Variants in ZNF470 observed in about 807,000 individuals in gnomAD.
ZNF470 encodes the protein chondrogenesis zinc finger protein 1.
In ZNF470, 13 loss-of-function variants were observed where a neutral mutation model predicts 13.9. The observed-to-expected ratio is 0.94, with a 90% CI of 0.61 to 1.49. ZNF470 has a LOEUF of 1.49. Among genes scored for constraint, ZNF470 ranks in the 40% most tolerant of loss-of-function variants. ZNF470 has a pLI of 0.00. For synonymous variants in ZNF470, 293 were observed against 282.9 expected (o/e 1.04, Z -0.36); for missense variants, 929 against 857.3 (o/e 1.08, Z -1.04).
intron 3 of ZNF470, 69 bp downstream of exon 3, chr19:56,570,440 C>G (rs1009092632): frequency 6.7e-7 from 1 of 1,485,488 alleles, no homozygotes; most frequent in Non-Finnish European, 9.4e-7. Context: ...TACTTGTTTT[C>G]TTCTGAAAAT....
intron 2 of ZNF470, among the ~76,000 whole-genome samples, chr19:56,569,144 A>G (rs1321572314): frequency 6.6e-6 from 1 of 152,240 alleles, no homozygotes; most frequent in Admixed American, 6.5e-5. Flanking sequence ...TATCATCATT[A>G]TGATAATCCT....
At position 56,577,972 on chromosome 19, in the gene ZNF470, A is replaced by G; in HGVS notation, c.1543A>G (p.Ser515Gly). 2 of 1,613,426 alleles carry G rather than the reference A, an allele frequency of 1.2e-6. No individual in the cohort carries two copies. ...GEKPYECKEC[S>G]KTFSQNAHLA... Reference sequence around the variant, plus strand: ...GAAACCTTATGAATGTAAGGAATGCAGCAAAACCTTCAGCCAGAATGCACA... The same window carrying G: ...GAAACCTTATGAATGTAAGGAATGCGGCAAAACCTTCAGCCAGAATGCACA... The change falls in exon 6 of 6, where the codon AGC (serine) becomes GGC (glycine). Residue 515 changes from serine to glycine, a missense_variant. Physicochemically the swap from Ser to Gly is moderately conservative, Grantham distance 56. Coordinates refer to ENST00000330619, the MANE Select transcript of ZNF470 (RefSeq NM_001001668.4).
At position 56,577,400 on chromosome 19, in the gene ZNF470, T is replaced by C. The variant is rs2044497424; in HGVS notation, c.971T>C (p.Leu324Pro). The change falls in exon 6 of 6, where the codon CTT (leucine) becomes CCT (proline). Residue 324 changes from leucine (L) to proline (P), a missense_variant. Leu to Pro is a moderately conservative substitution (Grantham distance 98). Coordinates refer to ENST00000330619, the MANE Select transcript of ZNF470 (RefSeq NM_001001668.4). ...CKQCNKAFSQ[L>P]AHLAQHQRVH... ...CAGTGTAATAAAGCATTCAGCCAGC[T>C]TGCACACCTTGCTCAACATCAGAGG... The C allele has an allele frequency of 6.2e-7, 1 of 1,613,582 alleles. No homozygotes were observed. The highest frequency in any genetic ancestry group is 8.5e-7 in the Non-Finnish European group (1 of 1,179,820).
At chr19:56,576,529 G>A (rs2044489479) in intron 5 of ZNF470, among the ~76,000 whole-genome samples, 184 bp from the exon 6 acceptor site, 1 of 152,108 alleles carries the variant, frequency 6.6e-6, no homozygotes. Context: ...GTATACCATG[G>A]CCAAGGAGGA....
In ZNF470 at chr19:56,581,589, G is replaced by A. The variant is rs373297900; in HGVS notation, c.*3006G>A. ...TGTTGAAAAAAAATCAATGTGTGTA[G>A]TCATAGAAAGATAGCTGTGCTATAC... On this transcript the variant is annotated 3_prime_UTR_variant, in exon 6 of 6. Coordinates refer to ENST00000330619, the MANE Select transcript of ZNF470 (RefSeq NM_001001668.4). The A allele has an allele frequency of 1.7e-5, 14 of 804,752 alleles. No homozygotes were observed. The South Asian group carries it at 5.7e-4, about 33-fold the overall frequency. The allele number at this position is 804,752 out of a possible 1,614,324, so 49.9% of individuals were successfully genotyped here. A position where few individuals can be genotyped will look rare whatever the true frequency, so the allele number is the denominator to read the frequency against.
At chr19:56,572,120 A>G (rs950956052) in intron 3 of ZNF470, among the ~76,000 whole-genome samples, 1 of 150,760 alleles carries the variant, frequency 6.6e-6, no homozygotes, top group African/African-American at 2.5e-5. Flanking sequence ...AAGATGGACT[A>G]TGCACACTCC....
Position 56,581,220 on chromosome 19 carries a change from G to T in ZNF470, c.*2637G>T, listed in dbSNP as rs2044532996. 2 of 601,840 alleles carry T rather than the reference G, an allele frequency of 3.3e-6. No homozygotes were observed. The highest frequency in any genetic ancestry group is 4.2e-6 in the Non-Finnish European group (2 of 480,086). 37.3% of individuals were successfully genotyped at this position (601,840 alleles called of 1,614,324 possible). The stretch of plus-strand genomic sequence containing the variant: ...ATGGACTAATGTCCCATTCACAAAA[G>T]ATGCAATAAAAGCAGTTAATGAAAA... On this transcript the variant is annotated 3_prime_UTR_variant, in exon 6 of 6. Coordinates refer to ENST00000330619, the MANE Select transcript of ZNF470 (RefSeq NM_001001668.4).
At chr19:56,572,871 G>A (rs781350879) in intron 3 of ZNF470, among the ~76,000 whole-genome samples, 1 of 152,136 alleles carries the variant, frequency 6.6e-6, no homozygotes, top group African/African-American at 2.4e-5. Flanking sequence ...CCAGAATTCT[G>A]CAAGAATCAC....
At position 56,578,128 on chromosome 19, in the gene ZNF470, T is replaced by C. The variant is rs148489232; in HGVS notation, c.1699T>C (p.Cys567Arg). 3.1e-4 allele frequency: 494 copies of C among 1,613,992 alleles called. No homozygotes were observed. The highest frequency in any genetic ancestry group is 4.1e-4 in the Non-Finnish European group (480 of 1,180,018). Residue 567 changes from cysteine (C) to arginine (R), a missense_variant, in exon 6 of 6, where the codon TGT becomes CGT. Cys to Arg is a radical substitution (Grantham distance 180). Coordinates refer to ENST00000330619, the MANE Select transcript of ZNF470 (RefSeq NM_001001668.4). The part of the protein sequence containing the change: ...RVHTGEKPYE[C>R]IECGKAFSDG... The stretch of plus-strand genomic sequence containing the variant: ...TCATACTGGTGAGAAGCCTTACGAA[T>C]GTATTGAATGTGGGAAGGCCTTTAG...
rs781562350 is a variant in ZNF470 at position 56,578,189 on chromosome 19, A to G, written c.1760A>G (p.His587Arg). ...GSYLVQHQRL[H>R]SGKRPYECLE... Reference sequence around the variant, plus strand: ...TATCTTGTTCAACATCAGAGACTCCACAGTGGCAAAAGACCGTATGAATGT... The same window carrying G: ...TATCTTGTTCAACATCAGAGACTCCGCAGTGGCAAAAGACCGTATGAATGT... Residue 587 changes from histidine (H) to arginine (R), a missense_variant, in exon 6 of 6, where the codon CAC becomes CGC. Physicochemically the swap from His to Arg is conservative, Grantham distance 29. Transcript: ENST00000330619. The G allele has an allele frequency of 1.2e-6, 2 of 1,614,162 alleles. No individual in the cohort carries two copies. Among genetic ancestry groups the G allele is most frequent in the Admixed American group, 1.7e-5 (1 of 60,010 alleles).
At chr19:56,574,026 C>A in intron 3 of ZNF470, 2 of 870,704 alleles carry the variant, frequency 2.3e-6, no homozygotes, top group Non-Finnish European at 2.8e-6. Flanking sequence ...AGTTCCAGAG[C>A]TCTTTAGCTT....
chr19:56,571,921 A>T (rs1032009780), intron 3 of ZNF470, among the ~76,000 whole-genome samples: 3 of 149,190 alleles, frequency 2.0e-5, no homozygotes, highest in East Asian at 2.0e-4. Flanking sequence ...CCTGGCAAAA[A>T]TTTTTTTTTT....
At chr19:56,575,582 C>T (rs1002286416) in intron 5 of ZNF470, among the ~76,000 whole-genome samples, 4 of 151,640 alleles carry the variant, frequency 2.6e-5, no homozygotes, top group Middle Eastern at 3.4e-3. Flanking sequence ...CTGGTTTAAT[C>T]TGTGGCCTGA....
rs113581424 is a variant in ZNF470, at chr19:56,578,826, T to C, written c.*243T>C. On this transcript the variant is annotated 3_prime_UTR_variant, in exon 6 of 6. Transcript: ENST00000330619. ...TTTGAAAAATATATTAACTAATCCA[T>C]TTCAAGGATTTAGCACACACTGGCA... The C allele has an allele frequency of 8.4e-7, 1 of 1,188,708 alleles. No homozygotes were observed. The highest frequency in any genetic ancestry group is 1.6e-5 in the African/African-American group (1 of 63,792). 73.6% of individuals were successfully genotyped at this position (1,188,708 alleles called of 1,614,324 possible).
rs937524430 is a variant in ZNF470, at chr19:56,582,825, T to G, written c.*4242T>G. 2.6e-5 allele frequency: 4 copies of G among 153,446 alleles called. No homozygotes were observed. The highest frequency in any genetic ancestry group is 5.8e-5 in the Non-Finnish European group (4 of 68,700). 9.5% of individuals were successfully genotyped at this position (153,446 alleles called of 1,614,324 possible). On this transcript the variant is annotated 3_prime_UTR_variant, in exon 6 of 6. Coordinates refer to ENST00000330619, the MANE Select transcript of ZNF470 (RefSeq NM_001001668.4). Reference sequence around the variant, plus strand: ...GAGAGACCTCACCAGGAACCAGCCCTGCCAGCACCTTGATCTTGGACTTTT... The same window carrying G: ...GAGAGACCTCACCAGGAACCAGCCCGGCCAGCACCTTGATCTTGGACTTTT...
rs1407968168 is a variant in ZNF470, at chr19:56,567,692, G to C, written c.-505G>C. The C allele has an allele frequency of 5.1e-6, 5 of 987,724 alleles. No individual in the cohort carries two copies. The African/African-American group carries it at 8.7e-5, about 17-fold the overall frequency. 61.2% of individuals were successfully genotyped at this position (987,724 alleles called of 1,614,324 possible). A position where few individuals can be genotyped will look rare whatever the true frequency, so the allele number is the denominator to read the frequency against. On this transcript the variant is annotated 5_prime_UTR_variant, in exon 1 of 6. Coordinates refer to ENST00000330619, the MANE Select transcript of ZNF470 (RefSeq NM_001001668.4). ...CTGTGCTGAGGAGGGGCGAGCGCGC[G>C]CGGGGATGGCGGCCCGGTGTGTGAC...
At position 56,580,097 on chromosome 19, in the gene ZNF470, T is replaced by G. The variant is rs970310767; in HGVS notation, c.*1514T>G. On this transcript the variant is annotated 3_prime_UTR_variant, in exon 6 of 6. Transcript: ENST00000330619. ...ATATGATATGTCCCATAAAGAGAAATGATATAAAAAAGAAGCTAGGGAGTG... is the reference window on the plus strand; with the variant it reads ...ATATGATATGTCCCATAAAGAGAAAGGATATAAAAAAGAAGCTAGGGAGTG... The G allele has an allele frequency of 1.1e-6, 1 of 938,606 alleles. No individual in the cohort carries two copies. Among genetic ancestry groups the G allele is most frequent in the South Asian group, 4.9e-5 (1 of 20,298 alleles). 58.1% of individuals were successfully genotyped at this position (938,606 alleles called of 1,614,324 possible).
At chr19:56,575,351 T>G (rs2044481292) in intron 5 of ZNF470, among the ~76,000 whole-genome samples, 1 of 152,082 alleles carries the variant, frequency 6.6e-6, no homozygotes, top group African/African-American at 2.4e-5. Flanking sequence ...TTACAAAAGA[T>G]GAAGAAATTA....
Position 56,574,408 on chromosome 19 carries a change from C to A in ZNF470, c.75C>A (p.Phe25Leu), listed in dbSNP as rs774167000. The A allele has an allele frequency of 3.1e-6, 5 of 1,613,784 alleles. 1 individual carries two copies. The South Asian group carries it at 5.5e-5, about 18-fold the overall frequency. ...CKAMSLGSVT[F>L]TDVAIDFSQD... ...TGTCATTTTAGGGTTCAGTGACTTT[C>A]ACAGATGTGGCCATAGACTTTTCCC... is the stretch of plus-strand genomic sequence containing the variant. The change falls in exon 4 of 6, where the codon TTC (phenylalanine) becomes TTA (leucine). Residue 25 changes from phenylalanine (F) to leucine (L), a missense_variant. Coordinates refer to ENST00000330619, the MANE Select transcript of ZNF470 (RefSeq NM_001001668.4).
Sources: gnomAD v4.1 joint callset for allele counts (sites outside exome capture counted in the v4.1 genomes callset) on GRCh38, gnomAD v4.1.1 for gene constraint, MANE v1.5 for transcripts, NCBI Gene and HGNC (gene_info 2026-07-23, HGNC 2026-07-21) for gene names.